HMGA2: variants seen among roughly 807,000 people sequenced by gnomAD.
The protein encoded by HMGA2 is high mobility group protein HMGI-C.
In HMGA2, 8 loss-of-function variants were observed where a neutral mutation model predicts 19.1. The observed-to-expected ratio is 0.42, with a 90% CI of 0.25 to 0.76. HMGA2 has a LOEUF of 0.76. Among genes scored for constraint, HMGA2 ranks in the 30% least tolerant of loss-of-function variants. The pLI, the probability that HMGA2 is intolerant of heterozygous loss-of-function variation, is 0.28. For synonymous variants in HMGA2, 60 were observed against 48.8 expected, an observed-to-expected ratio of 1.23 and a Z score of -0.96; for missense variants, 109 against 136.3, an observed-to-expected ratio of 0.80 and a Z score of 1.00.
chr12:65,959,693 C>T (rs1440757824), intron 4 of HMGA2, among the ~76,000 whole-genome samples: 2 of 152,200 alleles, frequency 1.3e-5, no homozygotes, highest in Admixed American at 6.5e-5. Flanking sequence ...AGCCTTCCCA[C>T]CCTGCCACTA....
chr12:65,940,889 CTA>C (rs969815582), intron 3 of HMGA2, among the ~76,000 whole-genome samples: 18 of 152,142 alleles, frequency 1.2e-4, no homozygotes, highest in African/African-American at 1.9e-4. Context: ...ACGTTACAAA[CTA>C]TGTGTCACTG....
At chr12:65,847,860 T>C (rs1871294111) in intron 3 of HMGA2, among the ~76,000 whole-genome samples, 1 of 152,228 alleles carries the variant, frequency 6.6e-6, no homozygotes, top group Non-Finnish European at 1.5e-5. Context: ...TTAGTGTGTA[T>C]AAAGGATGGC....
chr12:65,905,378 C>A (rs1874548180), intron 3 of HMGA2, among the ~76,000 whole-genome samples: 1 of 151,978 alleles, frequency 6.6e-6, no homozygotes, highest in Admixed American at 6.6e-5. Context: ...TATCAAGCTT[C>A]TTGTATGGGA....
chr12:65,961,750 T>C (rs540622808), intron 4 of HMGA2, among the ~76,000 whole-genome samples: 1 of 152,008 alleles, frequency 6.6e-6, no homozygotes, highest in Non-Finnish European at 1.5e-5. Context: ...TGTGTGTGTG[T>C]GTGTGTGTAT....
chr12:65,862,544 C>T lies in HMGA2; in HGVS notation c.249+23975C>T, dbSNP rs117371380. Among the ~76,000 whole-genome samples the T allele has an allele frequency of 4.8e-3, 728 of 152,116 alleles. 3 individuals carry two copies. Among genetic ancestry groups the T allele is most frequent in the Middle Eastern group, 6.8e-3 (2 of 294 alleles). On this transcript the variant is annotated intron_variant, in intron 3 of 4. Transcript: ENST00000403681. ...AGAACAATTAATCTACTTGGGTGTA[C>T]AAAATGAAAGCCAGTTGTTAGAAAT...
chr12:65,828,978 T>G (rs532676556), intron 2 of HMGA2: 1 of 152,320 alleles, frequency 6.6e-6, no homozygotes, highest in Admixed American at 6.5e-5. Flanking sequence ...AAAAAAAGTT[T>G]CTGCGTTGTA....
intron 3 of HMGA2, among the ~76,000 whole-genome samples, chr12:65,889,561 A>G (rs905501999): frequency 4.6e-5 from 7 of 152,218 alleles, no homozygotes; most frequent in African/African-American, 1.7e-4. Context: ...GCCAACAAGG[A>G]ATAGGATAGA....
At chr12:65,897,425 A>G (rs1304092917) in intron 3 of HMGA2, among the ~76,000 whole-genome samples, 1 of 152,204 alleles carries the variant, frequency 6.6e-6, no homozygotes, top group Non-Finnish European at 1.5e-5. Context: ...TTTTAAATGG[A>G]AATCTCTGAT....
chr12:65,870,794 A>G (rs1478319795), intron 3 of HMGA2, among the ~76,000 whole-genome samples: 3 of 152,354 alleles, frequency 2.0e-5, no homozygotes, highest in African/African-American at 7.2e-5. Context: ...TCATGTGAAA[A>G]GTAGGAGTAA....
intron 3 of HMGA2, chr12:65,866,799 C>T (rs1286320223): frequency 2.2e-6 from 1 of 457,218 alleles, no homozygotes; most frequent in Non-Finnish European, 4.4e-6. Context: ...ATCACTAACA[C>T]TTACCTGAGA....
rs199601256 is a variant in HMGA2 at position 65,838,998 on chromosome 12, C to T, written c.249+429C>T. On this transcript the variant is annotated intron_variant, in intron 3 of 4. Transcript: ENST00000403681. Reference sequence around the variant, plus strand: ...TTTCTTTTTCTTTCTTTTTCTTTTTCTTTTTTTTTTTTGGTTTTCTCCATG... The same window carrying T: ...TTTCTTTTTCTTTCTTTTTCTTTTTTTTTTTTTTTTTTGGTTTTCTCCATG... 6.3e-3 allele frequency among the ~76,000 whole-genome samples: 671 copies of T among 107,018 alleles called. 13 individuals are homozygous for T. The highest frequency in any genetic ancestry group is 0.022 in the African/African-American group (417 of 18,692). The allele number at this position is 107,018 out of a possible 152,430, so 70.2% of individuals were successfully genotyped here.
chr12:65,854,784 T>C (rs1871649961), intron 3 of HMGA2, among the ~76,000 whole-genome samples: 1 of 152,226 alleles, frequency 6.6e-6, no homozygotes, highest in African/African-American at 2.4e-5. Context: ...GCACATCCCA[T>C]GATGACATAC....
intron 3 of HMGA2, among the ~76,000 whole-genome samples, chr12:65,939,453 T>C (rs1042049071): frequency 6.6e-6 from 1 of 150,624 alleles, no homozygotes; most frequent in Non-Finnish European, 1.5e-5. Context: ...CTTCCCAGAG[T>C]CAAGCTATTC....
chr12:65,944,220 A>C (rs1297480611), intron 3 of HMGA2, among the ~76,000 whole-genome samples: 1 of 152,212 alleles, frequency 6.6e-6, no homozygotes, highest in Admixed American at 6.5e-5. Context: ...TATCTGATCA[A>C]TACCTGAGTT....
intron 4 of HMGA2, chr12:65,958,264 A>G (rs1306012388): frequency 6.6e-6 from 1 of 152,238 alleles, no homozygotes; most frequent in Non-Finnish European, 1.5e-5. Flanking sequence ...ACATAATGCA[A>G]AAATAAAGAC....
chr12:65,941,910 A>G (rs1002658513), intron 3 of HMGA2, among the ~76,000 whole-genome samples: 2 of 152,256 alleles, frequency 1.3e-5, no homozygotes, highest in African/African-American at 4.8e-5. Flanking sequence ...GGGCAAGCAT[A>G]CAAGAAAAGA....
chr12:65,864,733 G>T (rs756051161), intron 3 of HMGA2, among the ~76,000 whole-genome samples: 1 of 152,156 alleles, frequency 6.6e-6, no homozygotes, highest in Non-Finnish European at 1.5e-5. Flanking sequence ...CTTCTGGATT[G>T]TATGTGCAGT....
intron 3 of HMGA2, among the ~76,000 whole-genome samples, chr12:65,902,245 C>T (rs1000010497): frequency 4.6e-5 from 7 of 151,974 alleles, no homozygotes; most frequent in Non-Finnish European, 1.0e-4. Flanking sequence ...TTGTGAAGAC[C>T]GTTGATCATC....
chr12:65,862,930 T>C lies in HMGA2; in HGVS notation c.249+24361T>C, dbSNP rs575509315. 2.6e-5 allele frequency among the ~76,000 whole-genome samples: 4 copies of C among 152,338 alleles called. No individual in the cohort carries two copies. The South Asian group carries it at 8.3e-4, about 32-fold the overall frequency. On this transcript the variant is annotated intron_variant, in intron 3 of 4. Coordinates refer to ENST00000403681, the MANE Select transcript of HMGA2 (RefSeq NM_003483.6). The stretch of plus-strand genomic sequence containing the variant: ...CGGCAGTATGTGGACCAGTGGTCTT[T>C]ACCACATCCTTCTCCAGCTGTCCCA...
Sources: allele counts gnomAD v4.1 joint callset (sites outside exome capture counted in the v4.1 genomes callset), GRCh38; gene constraint gnomAD v4.1.1; transcripts MANE v1.5; gene names NCBI Gene and HGNC (gene_info 2026-07-23, HGNC 2026-07-21).